CIAPIN1: variants seen among roughly 807,000 people sequenced by gnomAD.
The protein encoded by CIAPIN1 is anamorsin.
A neutral mutation model predicts 34.3 loss-of-function variants in CIAPIN1; 18 were observed. The ratio of observed to expected loss-of-function variants is 0.52; its 90% CI spans 0.36 to 0.78. The LOEUF is 0.78. Among genes scored for constraint, CIAPIN1 ranks in the 30% least tolerant of loss-of-function variants. CIAPIN1 has a pLI of 0.00. For missense variants in CIAPIN1, 310 were observed against 372.5 expected, an observed-to-expected ratio of 0.83 and a Z score of 1.38; for synonymous variants, 131 against 140.4, an observed-to-expected ratio of 0.93 and a Z score of 0.47.
rs1221986251 is a variant in CIAPIN1 at position 57,441,060 on chromosome 16, G to A, written c.-55-77C>T. The A allele has an allele frequency of 1.7e-5, 14 of 811,562 alleles. No individual in the cohort carries two copies. The East Asian group carries it at 2.5e-4, about 14-fold the overall frequency. 50.3% of individuals were successfully genotyped at this position (811,562 alleles called of 1,614,324 possible). A position where few individuals can be genotyped will look rare whatever the true frequency, so the allele number is the denominator to read the frequency against. The stretch of plus-strand genomic sequence containing the variant: ...TAGAATCCCAACCTAACTTGTAACC[G>A]CCCACTAGGGAATGCTGACAACATT... On this transcript the variant is annotated intron_variant, in intron 1 of 8. Coordinates refer to ENST00000394391, the MANE Select transcript of CIAPIN1 (RefSeq NM_020313.4).
intron 7 of CIAPIN1, among the ~76,000 whole-genome samples, chr16:57,430,901 C>T (rs558792700): frequency 3.3e-5 from 5 of 152,140 alleles, no homozygotes; most frequent in South Asian, 2.1e-4. Context: ...GGCACAATTA[C>T]GGCTCACTGC....
chr16:57,437,420 G>GA (rs770420460), intron 3 of CIAPIN1, among the ~76,000 whole-genome samples: 1 of 152,050 alleles, frequency 6.6e-6, no homozygotes, highest in Non-Finnish European at 1.5e-5. Context: ...TAGGTTAGAT[G>GA]AATTACATGC....
At chr16:57,435,003 T>A (rs1255063322) in intron 4 of CIAPIN1, among the ~76,000 whole-genome samples, 3 of 152,228 alleles carry the variant, frequency 2.0e-5, no homozygotes, top group African/African-American at 7.2e-5. Context: ...TGAATTTTTA[T>A]GAGGAGTCTG....
At chr16:57,439,693 C>A (rs1327853200) in intron 2 of CIAPIN1, among the ~76,000 whole-genome samples, 1 of 152,206 alleles carries the variant, frequency 6.6e-6, no homozygotes, top group Non-Finnish European at 1.5e-5. Context: ...GTCTTTACTG[C>A]AATCTCTGAA....
chr16:57,442,189 T>C lies in CIAPIN1; in HGVS notation c.-55-1206A>G, dbSNP rs188196161. The stretch of plus-strand genomic sequence containing the variant: ...GGTGAAACCCCATCTCTACTAAAAA[T>C]ACAAAAATTAGCTGGGTGTGGTGGT... On this transcript the variant is annotated intron_variant, in intron 1 of 8. Transcript: ENST00000394391. 4.5e-3 allele frequency among the ~76,000 whole-genome samples: 682 copies of C among 151,870 alleles called. 5 individuals are homozygous for C. Among genetic ancestry groups the C allele is most frequent in the Admixed American group, 7.4e-3 (113 of 15,262 alleles).
rs770131811 is a variant in CIAPIN1 at position 57,439,187 on chromosome 16, G to A, written c.305C>T (p.Ala102Val). Residue 102 changes from alanine to valine, a missense_variant, in exon 3 of 9, where the codon GCT (alanine) becomes GTT (valine). Physicochemically the swap from Ala to Val is moderately conservative, Grantham distance 64. Coordinates refer to ENST00000394391, the MANE Select transcript of CIAPIN1 (RefSeq NM_020313.4). ...CCAAGTGAAGATCTCCTTACCTACA[G>A]CTGTCTCTACTGGCTCCTTCAGAAA... Reference protein sequence around the residue: ...CLFLKEPVETAVDNNSKVKTA... With the variant: ...CLFLKEPVETVVDNNSKVKTA... The A allele has an allele frequency of 4.3e-6, 7 of 1,613,662 alleles. No homozygotes were observed. In the Admixed American group the frequency reaches 1.0e-4, roughly 23 times the overall value.
At chr16:57,439,448 G>A (rs528530096) in intron 2 of CIAPIN1, 114 bp from the exon 3 acceptor site, 30 of 1,009,254 alleles carry the variant, frequency 3.0e-5, no homozygotes, top group African/African-American at 9.7e-5. Flanking sequence ...GACACCACTC[G>A]ATATCCATCC....
chr16:57,443,612 C>T (rs564355924), intron 1 of CIAPIN1, among the ~76,000 whole-genome samples: 3 of 152,282 alleles, frequency 2.0e-5, no homozygotes, highest in Admixed American at 2.0e-4. Context: ...TGGACGCCAC[C>T]ACACCTGGCT....
At chr16:57,439,777 T>A (rs555512416) in intron 2 of CIAPIN1, among the ~76,000 whole-genome samples, 43 of 152,342 alleles carry the variant, frequency 2.8e-4, no homozygotes, top group African/African-American at 8.9e-4. Flanking sequence ...ATGCCTGTCT[T>A]TACTTTAATC....
In CIAPIN1 at chr16:57,430,358, C is replaced by G. The variant is rs755545404; in HGVS notation, c.747-19G>C. 3.1e-6 allele frequency: 5 copies of G among 1,612,828 alleles called. No individual in the cohort carries two copies. Among genetic ancestry groups the G allele is most frequent in the Non-Finnish European group, 3.4e-6 (4 of 1,178,930 alleles). On this transcript the variant is annotated intron_variant, in intron 7 of 8. Transcript: ENST00000394391. ...ACAGGTGCTGCGGGAAAATCAGTAA[C>G]TAATGAACGAGAATTGTCACCACCC...
At chr16:57,446,048 G>A (rs148383481) in intron 1 of CIAPIN1, among the ~76,000 whole-genome samples, 5 of 152,104 alleles carry the variant, frequency 3.3e-5, no homozygotes, top group African/African-American at 1.2e-4. Context: ...GTTTCGCCAT[G>A]TTGCCCAGGC....
chr16:57,431,311 C>G, intron 6 of CIAPIN1, 45 bp from the exon 7 acceptor site: 1 of 1,356,900 alleles, frequency 7.4e-7, no homozygotes, highest in South Asian at 1.2e-5. Context: ...GTGGTCTCTG[C>G]TAATGAAAAG....
chr16:57,430,497 C>T, intron 7 of CIAPIN1, 158 bp from the exon 8 acceptor site: 1 of 643,692 alleles, frequency 1.6e-6, no homozygotes, highest in Non-Finnish European at 2.8e-6. Flanking sequence ...TGAGAGGCTG[C>T]TGAGGGAGAC....
At chr16:57,436,970 CA>C (rs1340897289) in intron 3 of CIAPIN1, among the ~76,000 whole-genome samples, 4 of 151,214 alleles carry the variant, frequency 2.6e-5, no homozygotes, top group African/African-American at 9.7e-5. Flanking sequence ...AAAATACACA[CA>C]AAAAAAATAG....
At chr16:57,430,416 G>T in intron 7 of CIAPIN1, 77 bp from the exon 8 acceptor site, 1 of 1,390,758 alleles carries the variant, frequency 7.2e-7, no homozygotes, top group Non-Finnish European at 1.0e-6. Flanking sequence ...GCCAAAATGT[G>T]CTTTAAGCCT....
intron 3 of CIAPIN1, among the ~76,000 whole-genome samples, chr16:57,438,235 T>C (rs1454141094): frequency 3.3e-5 from 5 of 152,208 alleles, no homozygotes; most frequent in Non-Finnish European, 7.3e-5. Flanking sequence ...GAAAGTCTAG[T>C]GAAAAATATT....
At chr16:57,429,604 G>A (rs1442091185) in intron 8 of CIAPIN1, among the ~76,000 whole-genome samples, 3 of 149,140 alleles carry the variant, frequency 2.0e-5, no homozygotes, top group Admixed American at 6.8e-5. Context: ...CCATTCTCCT[G>A]CCTCAGCCTC....
intron 4 of CIAPIN1, among the ~76,000 whole-genome samples, chr16:57,435,609 A>G (rs1191036629): frequency 6.6e-6 from 1 of 152,218 alleles, no homozygotes; most frequent in African/African-American, 2.4e-5. Flanking sequence ...CCTGGCCAAC[A>G]TAGCGAAACC....
intron 1 of CIAPIN1, among the ~76,000 whole-genome samples, chr16:57,446,095 C>T (rs965388720): frequency 3.9e-5 from 6 of 152,126 alleles, no homozygotes; most frequent in Non-Finnish European, 7.4e-5. Flanking sequence ...ATCCACACGC[C>T]GCAGCCTCCC....
Sources: gnomAD v4.1 joint callset for allele counts (sites outside exome capture counted in the v4.1 genomes callset) on GRCh38, gnomAD v4.1.1 for gene constraint, MANE v1.5 for transcripts, NCBI Gene and HGNC (gene_info 2026-07-23, HGNC 2026-07-21) for gene names.